The following BNC1 variants were observed in gnomAD, a reference collection of about 807,000 sequenced individuals.
The protein encoded by BNC1 is zinc finger protein basonuclin-1.
BNC1 carries 8 observed loss-of-function variants against 66.5 expected under a neutral mutation model. The observed-to-expected ratio is 0.12, with a 90% confidence interval of 0.07 to 0.22. BNC1 has a LOEUF of 0.22. Ranked by LOEUF, BNC1 falls within the 10% of genes least tolerant of loss-of-function variation. BNC1 has a pLI of 1.00. For synonymous variants in BNC1, 454 were observed against 452.6 expected (o/e 1.00, Z -0.04); for missense variants, 1,069 against 1,241.3 (o/e 0.86, Z 2.09).
At position 83,263,761 on chromosome 15, in the gene BNC1, G is replaced by A. The variant is rs757220105; in HGVS notation, c.1490C>T (p.Thr497Met). The change falls in exon 4 of 5, where the codon ACG becomes ATG. Residue 497 changes from threonine (T) to methionine (M), a missense_variant. Physicochemically the swap from Thr to Met is moderately conservative, Grantham distance 81 (BLOSUM62 -1). Coordinates refer to ENST00000345382, the MANE Select transcript of BNC1 (RefSeq NM_001717.4). ...AGGCGTGTTTGCTACCTCGGCAGGC[G>A]TGGCTGGACTGCGGTAGAAAGGAAG... Reference protein sequence around the residue: ...PVLPFYRSPATPAEVANTPGI... With the variant: ...PVLPFYRSPAMPAEVANTPGI... 5.0e-6 allele frequency: 8 copies of A among 1,614,084 alleles called. No individual in the cohort carries two copies. Among genetic ancestry groups the A allele is most frequent in the Admixed American group, 3.3e-5 (2 of 59,996 alleles).
chr15:83,259,001 G>C (rs1348051331), intron 4 of BNC1, among the ~76,000 whole-genome samples: 2 of 152,302 alleles, frequency 1.3e-5, no homozygotes, highest in East Asian at 3.9e-4. Context: ...CAATTGGCTA[G>C]AATTGTGTGT....
Position 83,257,422 on chromosome 15 carries a change from A to C in BNC1, c.*20T>G. 6.3e-7 allele frequency: 1 copy of C among 1,596,738 alleles called. No homozygotes were observed. The highest frequency in any genetic ancestry group is 8.6e-7 in the Non-Finnish European group (1 of 1,169,342). ...AATTATGAAAAAAGCTTATCTGAGC[A>C]TACTTGGTTTGCCATCTTGTTACTG... On this transcript the variant is annotated 3_prime_UTR_variant, in exon 5 of 5. Transcript: ENST00000345382.
At chr15:83,266,096 T>C (rs549155020) in intron 3 of BNC1, among the ~76,000 whole-genome samples, 9 of 152,166 alleles carry the variant, frequency 5.9e-5, no homozygotes, top group Non-Finnish European at 8.8e-5. Context: ...AACACCTTGA[T>C]AGCCTCTTTG....
intron 1 of BNC1, among the ~76,000 whole-genome samples, chr15:83,277,078 C>T (rs1467546862): frequency 6.6e-6 from 1 of 152,120 alleles, no homozygotes; most frequent in Non-Finnish European, 1.5e-5. Flanking sequence ...AATAAAAATG[C>T]TTCAGGATTT....
chr15:83,270,418 CAA>C (rs2038258815), intron 1 of BNC1, among the ~76,000 whole-genome samples: 1 of 152,150 alleles, frequency 6.6e-6, no homozygotes, highest in African/African-American at 2.4e-5. Context: ...CAAACTTTTC[CAA>C]AGCAGCTGTA....
At chr15:83,272,454 C>T (rs2038278785) in intron 1 of BNC1, among the ~76,000 whole-genome samples, 1 of 146,886 alleles carries the variant, frequency 6.8e-6, no homozygotes, top group South Asian at 2.1e-4. Flanking sequence ...CCAGGCTGGT[C>T]TCGAACTCTT....
At chr15:83,275,875 C>T (rs147613185) in intron 1 of BNC1, among the ~76,000 whole-genome samples, 2,173 of 150,412 alleles carry the variant, frequency 0.014, 24 homozygotes, top group Non-Finnish European at 0.022. Context: ...TGGATTTTAA[C>T]AGTAAGCCTT....
In BNC1 at chr15:83,264,823, C is replaced by A. The variant is rs778810929; in HGVS notation, c.436-8G>T. On this transcript the variant is annotated splice_region_variant and splice_polypyrimidine_tract_variant and intron_variant, in intron 3 of 4. Coordinates refer to ENST00000345382, the MANE Select transcript of BNC1 (RefSeq NM_001717.4). ...CACCTTTCCTGATGCATCCTAAACC[C>A]AAACCAGATGTTAGAAGTGTGATCA... The A allele has an allele frequency of 6.2e-7, 1 of 1,609,390 alleles. No individual in the cohort carries two copies. The highest frequency in any genetic ancestry group is 1.1e-5 in the South Asian group (1 of 90,280).
In BNC1 at chr15:83,284,514, A is replaced by G. The variant is rs1020622774; in HGVS notation, c.99+16T>C. On this transcript the variant is annotated intron_variant, in intron 1 of 4. Transcript: ENST00000345382. ...GCACAGAGAATCCCCGCGCCCGCGGAGGGCGCCGCGCTTACCTCGGCCATC... is the reference window on the plus strand; with the variant it reads ...GCACAGAGAATCCCCGCGCCCGCGGGGGGCGCCGCGCTTACCTCGGCCATC... 6 of 1,197,028 alleles carry G rather than the reference A, an allele frequency of 5.0e-6. No homozygotes were observed. The highest frequency in any genetic ancestry group is 4.9e-5 in the African/African-American group (3 of 60,608). 74.2% of individuals were successfully genotyped at this position (1,197,028 alleles called of 1,614,324 possible).
rs1465401931 is a variant in BNC1, at chr15:83,256,371, G to A, written c.*1071C>T. On this transcript the variant is annotated 3_prime_UTR_variant, in exon 5 of 5. Transcript: ENST00000345382. ...TATTTCCGAATAAGTTAAATATTAA[G>A]ACATACAATATGGCAATAATGTCCT... 1 of 152,602 alleles carries A rather than the reference G, an allele frequency of 6.6e-6. No individual in the cohort carries two copies. The highest frequency in any genetic ancestry group is 1.5e-5 in the Non-Finnish European group (1 of 68,034). The allele number at this position is 152,602 out of a possible 1,614,324, so 9.5% of individuals were successfully genotyped here. A position where few individuals can be genotyped will look rare whatever the true frequency, so the allele number is the denominator to read the frequency against.
At chr15:83,260,104 A>T (rs1357437699) in intron 4 of BNC1, among the ~76,000 whole-genome samples, 1 of 152,188 alleles carries the variant, frequency 6.6e-6, no homozygotes, top group Non-Finnish European at 1.5e-5. Flanking sequence ...AAAGTTTCAT[A>T]ATACTAAGAT....
Position 83,263,766 on chromosome 15 carries a change from T to C in BNC1, c.1485A>G (p.Pro495=). ...TGTTTGCTACCTCGGCAGGCGTGGC[T>C]GGACTGCGGTAGAAAGGAAGGACTG... is the stretch of plus-strand genomic sequence containing the variant. ...VQPVLPFYRS[P]ATPAEVANTP... Residue 495 remains proline (P), a synonymous_variant, in exon 4 of 5, where the codon CCA becomes CCG. Transcript: ENST00000345382. The C allele has an allele frequency of 1.2e-6, 2 of 1,614,176 alleles. No individual in the cohort carries two copies. Among genetic ancestry groups the C allele is most frequent in the Non-Finnish European group, 1.7e-6 (2 of 1,180,026 alleles).
intron 1 of BNC1, among the ~76,000 whole-genome samples, chr15:83,276,516 C>T (rs1241872281): frequency 2.6e-5 from 4 of 152,138 alleles, no homozygotes; most frequent in African/African-American, 9.7e-5. Context: ...CCCAATATGC[C>T]TTAGTAAAAA....
Position 83,257,286 on chromosome 15 carries a change from G to T in BNC1, c.*156C>A. ...CCAGTGTCATCTTCCCACGAGGTTTGTCTTTTGCTCATTGTGCTGTGGAAA... is the reference window on the plus strand; with the variant it reads ...CCAGTGTCATCTTCCCACGAGGTTTTTCTTTTGCTCATTGTGCTGTGGAAA... On this transcript the variant is annotated 3_prime_UTR_variant, in exon 5 of 5. Transcript: ENST00000345382. 1 of 864,242 alleles carries T rather than the reference G, an allele frequency of 1.2e-6. No homozygotes were observed. The highest frequency in any genetic ancestry group is 1.8e-6 in the Non-Finnish European group (1 of 568,478). The allele number at this position is 864,242 out of a possible 1,614,324, so 53.5% of individuals were successfully genotyped here.
At chr15:83,283,865 C>T (rs1184903050) in intron 1 of BNC1, among the ~76,000 whole-genome samples, 1 of 152,306 alleles carries the variant, frequency 6.6e-6, no homozygotes, top group South Asian at 2.1e-4. Context: ...TAAATAGCGA[C>T]TTTCAGTCGT....
At chr15:83,262,890 A>C in intron 4 of BNC1, 61 bp downstream of exon 4, 1 of 1,463,462 alleles carries the variant, frequency 6.8e-7, no homozygotes, top group Non-Finnish European at 9.2e-7. Context: ...GGTGATTCTG[A>C]TGCATGTTAA....
At chr15:83,284,482 G>A in intron 1 of BNC1, 48 bp downstream of exon 1, 1 of 1,138,176 alleles carries the variant, frequency 8.8e-7, no homozygotes, top group Non-Finnish European at 1.1e-6. Flanking sequence ...CGGGCCGCCT[G>A]CTCCGCGCAC....
At chr15:83,274,697 G>C (rs1297938659) in intron 1 of BNC1, among the ~76,000 whole-genome samples, 1 of 152,206 alleles carries the variant, frequency 6.6e-6, no homozygotes, top group African/African-American at 2.4e-5. Flanking sequence ...CCAGGGTCAC[G>C]CAGTTGGTGA....
chr15:83,270,684 ACCTTTT>A (rs765895791), intron 1 of BNC1, among the ~76,000 whole-genome samples: 134 of 152,084 alleles, frequency 8.8e-4, no homozygotes, highest in Non-Finnish European at 1.7e-3. Context: ...TGGGTTGTTT[ACCTTTT>A]TAGTATTGAG....
Sources: gnomAD v4.1 joint callset for allele counts (sites outside exome capture counted in the v4.1 genomes callset) on GRCh38, gnomAD v4.1.1 for gene constraint, MANE v1.5 for transcripts, NCBI Gene and HGNC (gene_info 2026-07-23, HGNC 2026-07-21) for gene names.